The following MKLN1 variants were observed in gnomAD, a reference collection of about 807,000 sequenced individuals.
The protein encoded by MKLN1 is muskelin.
In MKLN1, 18 loss-of-function variants were observed where a neutral mutation model predicts 99.0. That is an observed-to-expected ratio of 0.18 (90% confidence interval 0.13 to 0.27). The LOEUF is 0.27. MKLN1 is among the 10% of genes least tolerant of loss of function. The pLI is 1.00. For synonymous variants in MKLN1, 288 were observed against 293.2 expected, an observed-to-expected ratio of 0.98 and a Z score of 0.18; for missense variants, 621 against 875.9, an observed-to-expected ratio of 0.71 and a Z score of 3.67.
chr7:131,479,359 C>G (rs1038881303), intron 17 of MKLN1, among the ~76,000 whole-genome samples: 5 of 151,930 alleles, frequency 3.3e-5, no homozygotes, highest in African/African-American at 1.2e-4. Context: ...AAGACCTCGT[C>G]TCTACAAAAA....
intron 3 of MKLN1, among the ~76,000 whole-genome samples, chr7:131,262,899 C>T (rs971737575): frequency 1.3e-5 from 2 of 152,122 alleles, no homozygotes; most frequent in African/African-American, 4.8e-5. Context: ...TTTCTCCACA[C>T]TCACATACAT....
In MKLN1 at chr7:131,335,965, ATCT is replaced by A. The variant is rs1202889272; in HGVS notation, c.98+7972_98+7974del. ...TAAATTGTGTTATTGTGTTGTACAA[ATCT>A]TCTCTATCCTTACTGAATTTTTTTT... is the stretch of plus-strand genomic sequence containing the variant. On this transcript the variant is annotated intron_variant, in intron 1 of 17. Coordinates refer to ENST00000352689, the MANE Select transcript of MKLN1 (RefSeq NM_013255.5). Among the ~76,000 whole-genome samples the A allele has an allele frequency of 2.0e-5, 3 of 151,202 alleles. No individual in the cohort carries two copies. In the East Asian group the frequency reaches 5.8e-4, roughly 29 times the overall value.
chr7:131,246,188 C>T (rs999952072), intron 3 of MKLN1, among the ~76,000 whole-genome samples: 7 of 152,326 alleles, frequency 4.6e-5, no homozygotes, highest in Middle Eastern at 3.4e-3. Flanking sequence ...GACTTGTCAC[C>T]GGAGAACATC....
intron 2 of MKLN1, among the ~76,000 whole-genome samples, chr7:131,150,329 A>T (rs1795870811): frequency 6.6e-6 from 1 of 152,184 alleles, no homozygotes; most frequent in South Asian, 2.1e-4. Context: ...TCTACAAAAA[A>T]TACACAAATT....
intron 2 of MKLN1, among the ~76,000 whole-genome samples, chr7:131,157,096 A>G (rs1216041274): frequency 6.6e-6 from 1 of 152,108 alleles, no homozygotes; most frequent in South Asian, 2.1e-4. Context: ...AAATTCTTAC[A>G]TAGCCAGGCA....
At chr7:131,321,696 C>G (rs533224368) in intron 3 of MKLN1, among the ~76,000 whole-genome samples, 1 of 152,170 alleles carries the variant, frequency 6.6e-6, no homozygotes, top group Non-Finnish European at 1.5e-5. Context: ...AAACAAAAAA[C>G]AAAGGTACCC....
chr7:131,287,097 A>G (rs1278993200), intron 3 of MKLN1, among the ~76,000 whole-genome samples: 1 of 144,996 alleles, frequency 6.9e-6, no homozygotes, highest in Non-Finnish European at 1.5e-5. Flanking sequence ...GTGAAATGAA[A>G]CCCTGTCTCA....
intron 16 of MKLN1, chr7:131,478,331 G>C (rs1797021562): frequency 3.4e-6 from 1 of 293,968 alleles, no homozygotes; most frequent in Non-Finnish European, 6.2e-6. Flanking sequence ...TTTTTATTTT[G>C]TTGTGCTGTT....
intron 2 of MKLN1, chr7:131,202,707 T>C (rs1796748952): frequency 6.6e-6 from 1 of 152,134 alleles, no homozygotes; most frequent in South Asian, 2.1e-4. Context: ...AATGTCCCCA[T>C]GGTGGAGTGG....
At chr7:131,265,431 C>T (rs1298360449) in intron 3 of MKLN1, among the ~76,000 whole-genome samples, 1 of 152,164 alleles carries the variant, frequency 6.6e-6, no homozygotes, top group Non-Finnish European at 1.5e-5. Context: ...CGGCCTCTTT[C>T]TCCCCACCCA....
intron 1 of MKLN1, among the ~76,000 whole-genome samples, chr7:131,133,649 G>T (rs1795597220): frequency 6.6e-6 from 1 of 151,368 alleles, no homozygotes; most frequent in South Asian, 2.1e-4. Flanking sequence ...ACCGCGCCCA[G>T]CCTCTATTTT....
At chr7:131,435,616 T>C (rs1795655694) in intron 9 of MKLN1, among the ~76,000 whole-genome samples, 1 of 152,166 alleles carries the variant, frequency 6.6e-6, no homozygotes, top group Non-Finnish European at 1.5e-5. Context: ...TCATCTCATG[T>C]CATCTTGGTA....
rs146282031 is a variant in MKLN1, at chr7:131,179,556, C to CATTATTATTATT, written c.-296-23291_-296-23280dup. ...CATTGCATTTGTTTTTTAAAAGAGA[C>CATTATTATTATT]ATTATTATTATTATTATTATTTTGT... On this transcript the variant is annotated intron_variant, in intron 2 of 7. Coordinates refer to the MKLN1 transcript ENST00000416992. 6.8e-4 allele frequency among the ~76,000 whole-genome samples: 103 copies of CATTATTATTATT among 150,464 alleles called. 1 individual carries two copies. Among genetic ancestry groups the CATTATTATTATT allele is most frequent in the African/African-American group, 1.2e-3 (50 of 40,988 alleles).
chr7:131,406,431 A>G (rs1250143822), intron 6 of MKLN1, among the ~76,000 whole-genome samples: 3 of 151,928 alleles, frequency 2.0e-5, no homozygotes, highest in African/African-American at 7.2e-5. Context: ...TTTCAGCTTC[A>G]TATTCTCACC....
rs1242673501 is a variant in MKLN1, at chr7:131,453,933, C to G, written c.1525+8030C>G. Among the ~76,000 whole-genome samples, 4 of 152,052 alleles carry G rather than the reference C, an allele frequency of 2.6e-5. No homozygotes were observed. The East Asian group carries it at 7.7e-4, about 29-fold the overall frequency. On this transcript the variant is annotated intron_variant, in intron 12 of 17. Transcript: ENST00000352689. ...ATAATTCATATTGCCAGTAAATTTA[C>G]ACATGTACAGATGCTCAGCTTTATT... is the stretch of plus-strand genomic sequence containing the variant.
At chr7:131,130,484 C>G (rs1253561457) in intron 1 of MKLN1, among the ~76,000 whole-genome samples, 1 of 152,170 alleles carries the variant, frequency 6.6e-6, no homozygotes, top group Non-Finnish European at 1.5e-5. Flanking sequence ...ACTACCATTA[C>G]CCCCATTTCA....
At chr7:131,232,739 G>A (rs1369210051) in intron 3 of MKLN1, among the ~76,000 whole-genome samples, 1 of 152,156 alleles carries the variant, frequency 6.6e-6, no homozygotes, top group Non-Finnish European at 1.5e-5. Context: ...GATAACTAGA[G>A]AGTGAGCTTG....
At chr7:131,486,056 G>A (rs1415779198) in intron 17 of MKLN1, among the ~76,000 whole-genome samples, 1 of 151,748 alleles carries the variant, frequency 6.6e-6, no homozygotes, top group Non-Finnish European at 1.5e-5. Context: ...AAATAGTTCT[G>A]CAAAAAGATT....
At chr7:131,174,415 G>A (rs993801984) in intron 2 of MKLN1, among the ~76,000 whole-genome samples, 2 of 152,280 alleles carry the variant, frequency 1.3e-5, no homozygotes, top group East Asian at 3.9e-4. Context: ...AAACAATAGC[G>A]GGGACAAGAA....
Sources: gnomAD v4.1 joint callset for allele counts (sites outside exome capture counted in the v4.1 genomes callset) on GRCh38, gnomAD v4.1.1 for gene constraint, MANE v1.5 for transcripts, NCBI Gene and HGNC (gene_info 2026-07-23, HGNC 2026-07-21) for gene names.